Variants in LRIG1 observed in about 807,000 individuals in gnomAD.
The protein encoded by LRIG1 is leucine-rich repeats and immunoglobulin-like domains protein 1.
Under a neutral mutation model 99.2 loss-of-function variants are expected in LRIG1, and 48 were observed. The observed-to-expected ratio is 0.48, with a 90% CI of 0.38 to 0.62. The LOEUF is 0.62. LRIG1 is among the 20% of genes least tolerant of loss of function. LRIG1 has a pLI of 0.00. For missense variants in LRIG1, 1,646 were observed against 1,434.4 expected (o/e 1.15, Z -2.38); for synonymous variants, 772 against 596.1 (o/e 1.29, Z -4.30).
chr3:66,392,236 A>G (rs549579961), intron 12 of LRIG1, among the ~76,000 whole-genome samples: 59 of 152,342 alleles, frequency 3.9e-4, no homozygotes, highest in African/African-American at 1.3e-3. Flanking sequence ...GGCCATTATG[A>G]ATAATGCTGC....
rs573528253 is a variant in LRIG1 at position 66,482,285 on chromosome 3, T to G, written c.218+17905A>C. Among the ~76,000 whole-genome samples, 3 of 152,352 alleles carry G rather than the reference T, an allele frequency of 2.0e-5. No homozygotes were observed. In the South Asian group the frequency reaches 6.2e-4, roughly 32 times the overall value. On this transcript the variant is annotated intron_variant, in intron 1 of 18. Coordinates refer to ENST00000273261, the MANE Select transcript of LRIG1 (RefSeq NM_015541.3). ...TCTATGCAATTACACCTGTGCTCTCTCAGAAACACAGCTTCCCTAGTACCA... is the reference window on the plus strand; with the variant it reads ...TCTATGCAATTACACCTGTGCTCTCGCAGAAACACAGCTTCCCTAGTACCA...
At chr3:66,448,949 G>A (rs190135271) in intron 3 of LRIG1, among the ~76,000 whole-genome samples, 1 of 152,250 alleles carries the variant, frequency 6.6e-6, no homozygotes, top group African/African-American at 2.4e-5. Flanking sequence ...TACAGAACAC[G>A]TGACACCCTT....
At chr3:66,429,403 C>T (rs1703084274) in intron 3 of LRIG1, among the ~76,000 whole-genome samples, 1 of 152,094 alleles carries the variant, frequency 6.6e-6, no homozygotes, top group African/African-American at 2.4e-5. Context: ...TTAAGATGCA[C>T]AAATAAACAA....
At chr3:66,463,214 A>T (rs1358824967) in intron 1 of LRIG1, among the ~76,000 whole-genome samples, 3 of 152,210 alleles carry the variant, frequency 2.0e-5, no homozygotes, top group Admixed American at 6.5e-5. Flanking sequence ...AAATTGCACA[A>T]ATAGTCAAAG....
At chr3:66,431,882 C>G (rs1326767923) in intron 3 of LRIG1, among the ~76,000 whole-genome samples, 1 of 152,160 alleles carries the variant, frequency 6.6e-6, no homozygotes, top group Non-Finnish European at 1.5e-5. Flanking sequence ...CACAGCCCAC[C>G]AATTCACATG....
intron 3 of LRIG1, among the ~76,000 whole-genome samples, chr3:66,430,645 G>A (rs1703140253): frequency 1.3e-5 from 2 of 152,160 alleles, no homozygotes; most frequent in African/African-American, 4.8e-5. Flanking sequence ...CTTCTAAGGG[G>A]CTTGAGGAGT....
chr3:66,459,326 C>T (rs1336844096), intron 2 of LRIG1, among the ~76,000 whole-genome samples: 1 of 152,200 alleles, frequency 6.6e-6, no homozygotes, highest in Non-Finnish European at 1.5e-5. Context: ...TAGAACACCA[C>T]TGAAAATGCT....
At chr3:66,381,093 T>A (rs1047173684) in intron 17 of LRIG1, 1 of 595,360 alleles carries the variant, frequency 1.7e-6, no homozygotes, top group East Asian at 2.8e-5. Context: ...ATAGACAATG[T>A]AGTCTTACTG....
At chr3:66,398,059 A>T in intron 11 of LRIG1, 53 bp downstream of exon 11, 4 of 1,399,488 alleles carry the variant, frequency 2.9e-6, no homozygotes, top group Non-Finnish European at 4.0e-6. Flanking sequence ...GAAGTTTCTT[A>T]CTCTGAAAGT....
At chr3:66,404,927 G>A (rs1702206086) in intron 9 of LRIG1, among the ~76,000 whole-genome samples, 1 of 152,136 alleles carries the variant, frequency 6.6e-6, no homozygotes, top group African/African-American at 2.4e-5. Context: ...TGTGAGTTGT[G>A]AGTGAAGCCC....
chr3:66,491,243 G>A (rs1222608973), intron 1 of LRIG1, among the ~76,000 whole-genome samples: 2 of 152,068 alleles, frequency 1.3e-5, no homozygotes, highest in East Asian at 1.9e-4. Flanking sequence ...TACAACCAAC[G>A]GCTAATTATC....
chr3:66,414,982 C>G lies in LRIG1; in HGVS notation c.585G>C (p.Leu195=). Residue 195 remains leucine, a synonymous_variant, in exon 5 of 19, where the codon CTG becomes CTC. Transcript: ENST00000273261. The part of the protein sequence containing the change: ...GLSRSLLTLR[L]SKNRITQLPV... ...GAAGCTGGGTGATCCTGTTTTTGCT[C>G]AGGCGAAGAGTTAGCAGCGACCGTG... The G allele has an allele frequency of 6.2e-7, 1 of 1,612,200 alleles. No individual in the cohort carries two copies. Among genetic ancestry groups the G allele is most frequent in the Non-Finnish European group, 8.5e-7 (1 of 1,179,086 alleles).
chr3:66,493,993 G>A (rs534406925), intron 1 of LRIG1, among the ~76,000 whole-genome samples: 2 of 150,362 alleles, frequency 1.3e-5, no homozygotes, highest in African/African-American at 2.4e-5. Context: ...AGAGAAAGAG[G>A]GAAGGGAAGG....
At chr3:66,454,185 A>G (rs1202122089) in intron 2 of LRIG1, among the ~76,000 whole-genome samples, 2 of 152,146 alleles carry the variant, frequency 1.3e-5, no homozygotes, top group Non-Finnish European at 2.9e-5. Flanking sequence ...ATTTCTACTG[A>G]AAAAAGAACC....
intron 3 of LRIG1, among the ~76,000 whole-genome samples, chr3:66,429,854 G>A (rs891751458): frequency 1.5e-4 from 9 of 60,262 alleles, no homozygotes; most frequent in African/African-American, 4.6e-4. Context: ...GGAACTCTCC[G>A]TACTTTCCAC....
chr3:66,482,039 G>A (rs887406715), intron 1 of LRIG1, among the ~76,000 whole-genome samples: 1 of 152,212 alleles, frequency 6.6e-6, no homozygotes, highest in African/African-American at 2.4e-5. Flanking sequence ...ACGCTAATCT[G>A]CGCTGATTCC....
chr3:66,434,378 G>A (rs1432674051), intron 3 of LRIG1, among the ~76,000 whole-genome samples: 1 of 152,140 alleles, frequency 6.6e-6, no homozygotes, highest in Non-Finnish European at 1.5e-5. Flanking sequence ...AACATCATTG[G>A]TCATCATGCA....
At chr3:66,465,673 A>C (rs146429369) in intron 1 of LRIG1, among the ~76,000 whole-genome samples, 21 of 152,152 alleles carry the variant, frequency 1.4e-4, no homozygotes, top group Admixed American at 2.6e-4. Flanking sequence ...GCCTGAGCAT[A>C]ATTTTTTTAA....
chr3:66,409,834 T>A (rs781307427), intron 7 of LRIG1: 22 of 290,782 alleles, frequency 7.6e-5, no homozygotes, highest in Non-Finnish European at 1.4e-4. Context: ...CCCCTGGAAC[T>A]GTCTCCAAAC....
Sources: allele counts gnomAD v4.1 joint callset (sites outside exome capture counted in the v4.1 genomes callset), GRCh38; gene constraint gnomAD v4.1.1; transcripts MANE v1.5; gene names NCBI Gene and HGNC (gene_info 2026-07-23, HGNC 2026-07-21).